The following CNBD1 variants were observed in gnomAD, a reference collection of about 807,000 sequenced individuals.
CNBD1 encodes cyclic nucleotide-binding domain-containing protein 1.
Under a neutral mutation model 54.4 loss-of-function variants are expected in CNBD1, and 71 were observed. The observed-to-expected ratio is 1.30, with a 90% CI of 1.08 to 1.59. CNBD1 has a LOEUF of 1.59. CNBD1 is among the 40% of genes most tolerant of loss of function. The pLI, the probability that CNBD1 is intolerant of heterozygous loss-of-function variation, is 0.00. For missense variants in CNBD1, 659 were observed against 518.0 expected (o/e 1.27, Z -2.64); for synonymous variants, 182 against 170.7 (o/e 1.07, Z -0.51).
At chr8:86,943,052 T>TAA (rs34393468) in intron 4 of CNBD1, among the ~76,000 whole-genome samples, 15 of 146,414 alleles carry the variant, frequency 1.0e-4, no homozygotes, top group East Asian at 2.0e-4. Context: ...TGACTAAAAT[T>TAA]AAAAAAAAAA....
chr8:87,242,346 T>C (rs1399177436), intron 6 of CNBD1, among the ~76,000 whole-genome samples: 1 of 152,092 alleles, frequency 6.6e-6, no homozygotes, highest in Admixed American at 6.5e-5. Context: ...TTTTTAAGTC[T>C]GATATGAAAC....
chr8:86,938,015 G>T (rs750704576), intron 3 of CNBD1, among the ~76,000 whole-genome samples: 3 of 152,082 alleles, frequency 2.0e-5, no homozygotes, highest in Non-Finnish European at 2.9e-5. Flanking sequence ...AAAGCTGAAT[G>T]CATTTAATAG....
intron 4 of CNBD1, among the ~76,000 whole-genome samples, chr8:86,958,079 A>T (rs902340945): frequency 6.6e-6 from 1 of 152,072 alleles, no homozygotes; most frequent in African/African-American, 2.4e-5. Context: ...CCTTCATTTC[A>T]TTATGTACCC....
chr8:87,271,362 C>T (rs1808359290), intron 6 of CNBD1, among the ~76,000 whole-genome samples: 1 of 151,728 alleles, frequency 6.6e-6, no homozygotes, highest in Non-Finnish European at 1.5e-5. Flanking sequence ...AGTTTTTCAA[C>T]TTTTTGAAAC....
At chr8:87,142,224 A>T (rs1302534721) in intron 4 of CNBD1, among the ~76,000 whole-genome samples, 1 of 152,140 alleles carries the variant, frequency 6.6e-6, no homozygotes, top group Non-Finnish European at 1.5e-5. Flanking sequence ...GATTATGGCA[A>T]ATAAGAAAGA....
At chr8:87,265,521 A>G (rs553823762) in intron 6 of CNBD1, among the ~76,000 whole-genome samples, 6 of 152,156 alleles carry the variant, frequency 3.9e-5, no homozygotes, top group Non-Finnish European at 5.9e-5. Flanking sequence ...TATTTTTCAC[A>G]TAAGATAATG....
At chr8:86,975,959 A>G (rs1253476338) in intron 4 of CNBD1, among the ~76,000 whole-genome samples, 1 of 151,716 alleles carries the variant, frequency 6.6e-6, no homozygotes, top group African/African-American at 2.4e-5. Flanking sequence ...TTTGGTTTTA[A>G]TTTATATTTT....
chr8:87,097,877 T>C (rs1022101245), intron 4 of CNBD1, among the ~76,000 whole-genome samples: 1 of 152,202 alleles, frequency 6.6e-6, no homozygotes, highest in Non-Finnish European at 1.5e-5. Context: ...ACTGGAGTCA[T>C]CATAATTCTG....
chr8:87,107,728 G>A (rs1586261404), intron 4 of CNBD1, among the ~76,000 whole-genome samples: 1 of 85,404 alleles, frequency 1.2e-5, no homozygotes, highest in East Asian at 2.6e-4. Context: ...CTCCCTTTTA[G>A]TTGTCTATGT....
intron 8 of CNBD1, among the ~76,000 whole-genome samples, chr8:87,296,522 G>A (rs904773919): frequency 6.6e-6 from 1 of 152,054 alleles, no homozygotes; most frequent in Non-Finnish European, 1.5e-5. Flanking sequence ...GACATCTTGA[G>A]TATGTCTAAC....
chr8:87,093,842 G>C (rs1312273585), intron 4 of CNBD1, among the ~76,000 whole-genome samples: 2 of 152,114 alleles, frequency 1.3e-5, no homozygotes, highest in Admixed American at 6.6e-5. Flanking sequence ...AGCTTTATCA[G>C]AGGAGTCTCT....
intron 4 of CNBD1, among the ~76,000 whole-genome samples, chr8:87,203,171 T>C (rs1813899536): frequency 6.6e-6 from 1 of 152,190 alleles, no homozygotes; most frequent in South Asian, 2.1e-4. Context: ...ATATAATATA[T>C]TTTATCTACA....
intron 2 of CNBD1, among the ~76,000 whole-genome samples, chr8:86,890,481 A>G (rs929558358): frequency 3.9e-5 from 6 of 152,134 alleles, no homozygotes; most frequent in African/African-American, 1.4e-4. Flanking sequence ...TTAGCCGTTT[A>G]TTCACTGATG....
intron 4 of CNBD1, among the ~76,000 whole-genome samples, chr8:86,993,084 A>G (rs1433991063): frequency 1.3e-5 from 2 of 152,122 alleles, no homozygotes; most frequent in East Asian, 3.8e-4. Flanking sequence ...CTCTCTTAGG[A>G]ATGCCAATGT....
At chr8:86,945,703 T>C (rs1807449504) in intron 4 of CNBD1, among the ~76,000 whole-genome samples, 1 of 152,230 alleles carries the variant, frequency 6.6e-6, no homozygotes, top group South Asian at 2.1e-4. Context: ...ACGGTGTGGA[T>C]ACTGAAAGTA....
chr8:87,235,445 A>T (rs926923620), intron 5 of CNBD1, among the ~76,000 whole-genome samples: 1 of 152,100 alleles, frequency 6.6e-6, no homozygotes, highest in African/African-American at 2.4e-5. Context: ...CACTTAGAGG[A>T]TATTTTAGAG....
chr8:87,077,332 A>G (rs943293529), intron 4 of CNBD1, among the ~76,000 whole-genome samples: 1 of 151,444 alleles, frequency 6.6e-6, no homozygotes, highest in Non-Finnish European at 1.5e-5. Flanking sequence ...TTCCCGGTTT[A>G]TGAATGGCTA....
intron 4 of CNBD1, among the ~76,000 whole-genome samples, chr8:87,185,320 C>T (rs1423838437): frequency 6.6e-6 from 1 of 151,908 alleles, no homozygotes; most frequent in Non-Finnish European, 1.5e-5. Context: ...ATATTTTTTC[C>T]GTTTCTCTCT....
At position 87,275,759 on chromosome 8, in the gene CNBD1, A is replaced by G. The variant is rs374189231; in HGVS notation, c.772-8919A>G. 3.0e-3 allele frequency among the ~76,000 whole-genome samples: 458 copies of G among 151,742 alleles called. 3 individuals are homozygous for G. The highest frequency in any genetic ancestry group is 9.5e-3 in the African/African-American group (394 of 41,388). ...AGGAGAAGGAAATAAAGGGTATTCA[A>G]TTAGGAAAAGAGGAAGTCAAATTGT... On this transcript the variant is annotated intron_variant, in intron 6 of 10. Transcript: ENST00000518476.
Sources: allele counts gnomAD v4.1 joint callset (sites outside exome capture counted in the v4.1 genomes callset), GRCh38; gene constraint gnomAD v4.1.1; transcripts MANE v1.5; gene names NCBI Gene and HGNC (gene_info 2026-07-23, HGNC 2026-07-21).